SPMIP4: variants seen among roughly 807,000 people sequenced by gnomAD.
SPMIP4 encodes the protein sperm microtubule inner protein 4, also known as sperm-associated microtubule inner protein 4.
chr7:25,152,614 C>T, the SPMIP4 span, among the ~76,000 whole-genome samples: 1 of 152,158 alleles, frequency 6.6e-6, no homozygotes, highest in South Asian at 2.1e-4. Flanking sequence ...CAAACTCAGG[C>T]AATCTGATTC....
At chr7:25,136,179 T>C in the SPMIP4 span, 1 of 1,614,194 alleles carries the variant, frequency 6.2e-7, no homozygotes, top group South Asian at 1.1e-5. The surrounding 1 kb of genome is among the most constrained non-coding windows in gnomAD (Gnocchi z 5.7). Flanking sequence ...GAACAGGTCT[T>C]GTTTCTTCAT....
the SPMIP4 span, chr7:25,142,448 T>A: frequency 1.1e-6 from 1 of 911,740 alleles, no homozygotes. Context: ...ACCAATAAAA[T>A]GAAAACCAAC....
At chr7:25,141,712 A>T in the SPMIP4 span, among the ~76,000 whole-genome samples, 1 of 26,888 alleles carries the variant, frequency 3.7e-5, no homozygotes, top group Non-Finnish European at 1.5e-4. Flanking sequence ...AATCTGTTAA[A>T]AAAAAAAAAC....
the SPMIP4 span, among the ~76,000 whole-genome samples, chr7:25,137,301 C>CTTTTTTTT: frequency 2.4e-5 from 3 of 127,068 alleles, no homozygotes; most frequent in African/African-American, 3.3e-5. Context: ...GCTGAATTTT[C>CTTTTTTTT]TTTTTTTTTT....
chr7:25,164,549 A>G, the SPMIP4 span, among the ~76,000 whole-genome samples: 456 of 152,358 alleles, frequency 3.0e-3, 2 homozygotes, highest in African/African-American at 0.011. Context: ...ATCAAGTAAC[A>G]TACTCCTACC....
At chr7:25,136,813 A>G in the SPMIP4 span, 7 of 1,593,534 alleles carry the variant, frequency 4.4e-6, no homozygotes, top group Non-Finnish European at 8.5e-7. The surrounding 1 kb of genome is among the most constrained non-coding windows in gnomAD (Gnocchi z 5.7). Flanking sequence ...TGGGATAAAA[A>G]GGAGAAAAAA....
At chr7:25,179,398 C>T in the SPMIP4 span, 3 of 1,433,514 alleles carry the variant, frequency 2.1e-6, no homozygotes, top group Non-Finnish European at 1.9e-6. Context: ...ACATTTTACA[C>T]TGCTAAATTG....
At chr7:25,167,531 C>T in the SPMIP4 span, among the ~76,000 whole-genome samples, 1 of 152,174 alleles carries the variant, frequency 6.6e-6, no homozygotes, top group Admixed American at 6.5e-5. Context: ...TATTTGTCTG[C>T]TTTTTATTGC....
At chr7:25,161,851 A>G in the SPMIP4 span, among the ~76,000 whole-genome samples, 1 of 152,246 alleles carries the variant, frequency 6.6e-6, no homozygotes, top group East Asian at 1.9e-4. Context: ...GTATTTGGGG[A>G]AAAACCTGTA....
the SPMIP4 span, chr7:25,168,231 G>T: frequency 6.8e-7 from 1 of 1,470,390 alleles, no homozygotes; most frequent in Non-Finnish European, 9.2e-7. Flanking sequence ...ACTCACAATG[G>T]AAGTAAAGAA....
the SPMIP4 span, among the ~76,000 whole-genome samples, chr7:25,148,635 C>T: frequency 6.6e-6 from 1 of 151,942 alleles, no homozygotes; most frequent in African/African-American, 2.4e-5. Context: ...CCACCATGCC[C>T]AACTAATTTT....
chr7:25,126,066 T>C, the SPMIP4 span: 11 of 269,046 alleles, frequency 4.1e-5, no homozygotes, highest in Non-Finnish European at 5.5e-5. Context: ...TATATATATA[T>C]ACTTAAGAGG....
At chr7:25,152,295 AAAC>A in the SPMIP4 span, among the ~76,000 whole-genome samples, 1 of 152,228 alleles carries the variant, frequency 6.6e-6, no homozygotes. Flanking sequence ...GGAACATCTT[AAAC>A]AATACAGCTT....
At chr7:25,155,100 A>G in the SPMIP4 span, 3 of 1,613,872 alleles carry the variant, frequency 1.9e-6, no homozygotes, top group Admixed American at 3.3e-5. Context: ...GCCCGTGTAG[A>G]GGTCCTCAGG....
chr7:25,133,240 TGTGTATATA>T, the SPMIP4 span, among the ~76,000 whole-genome samples: 1 of 152,220 alleles, frequency 6.6e-6, no homozygotes, highest in African/African-American at 2.4e-5. Flanking sequence ...TTTGTTTTGC[TGTGTATATA>T]GTGTATATAA....
At chr7:25,169,465 G>C in the SPMIP4 span, among the ~76,000 whole-genome samples, 1 of 152,224 alleles carries the variant, frequency 6.6e-6, no homozygotes, top group East Asian at 1.9e-4. Context: ...CCTGTAAGTA[G>C]AATAATGTAA....
chr7:25,163,206 T>C, the SPMIP4 span, among the ~76,000 whole-genome samples: 1 of 152,230 alleles, frequency 6.6e-6, no homozygotes, highest in African/African-American at 2.4e-5. The surrounding 1 kb of genome is among the most constrained non-coding windows in gnomAD (Gnocchi z 4.4). Flanking sequence ...TATTGTAGAA[T>C]ACTGTGAGAA....
At chr7:25,180,351 C>T in the SPMIP4 span, 593 of 152,472 alleles carry the variant, frequency 3.9e-3, 4 homozygotes, top group Middle Eastern at 6.7e-3. Context: ...GCGAGAGGGG[C>T]TCTTCCGCCT....
the SPMIP4 span, chr7:25,142,858 T>C: frequency 8.7e-6 from 12 of 1,374,726 alleles, no homozygotes; most frequent in Non-Finnish European, 1.2e-5. Context: ...TGTCATCTAG[T>C]AGAATAAGAC....
Sources: allele counts gnomAD v4.1 joint callset (sites outside exome capture counted in the v4.1 genomes callset), GRCh38; gene constraint gnomAD v4.1.1; non-coding constraint Gnocchi (gnomAD v3.1); transcripts MANE v1.5; gene names NCBI Gene and HGNC (gene_info 2026-07-23, HGNC 2026-07-21).